The following VAV2 variants were observed in gnomAD, a reference collection of about 807,000 sequenced individuals.
The protein encoded by VAV2 is guanine nucleotide exchange factor VAV2.
Under a neutral mutation model 132.5 loss-of-function variants are expected in VAV2, and 67 were observed. The observed-to-expected ratio is 0.51, with a 90% CI of 0.42 to 0.62. VAV2 has a LOEUF of 0.62. Among genes scored for constraint, VAV2 ranks in the 20% least tolerant of loss-of-function variants. VAV2 has a pLI of 0.00. For synonymous variants in VAV2, 492 were observed against 443.5 expected (o/e 1.11, Z -1.37); for missense variants, 938 against 1,153.6 (o/e 0.81, Z 2.71).
At chr9:133,780,326 G>A (rs1245767275) in intron 20 of VAV2, among the ~76,000 whole-genome samples, 1 of 152,142 alleles carries the variant, frequency 6.6e-6, no homozygotes, top group African/African-American at 2.4e-5. Flanking sequence ...ATAGCTCGAG[G>A]GGCACACGAA....
At chr9:133,848,248 C>A (rs1038326361) in intron 3 of VAV2, among the ~76,000 whole-genome samples, 3 of 141,198 alleles carry the variant, frequency 2.1e-5, no homozygotes, top group African/African-American at 8.0e-5. Context: ...CCATTGCACT[C>A]CAGCCTGGGC....
At chr9:133,871,370 GTGGA>G (rs1270058042) in intron 2 of VAV2, among the ~76,000 whole-genome samples, 17 of 150,578 alleles carry the variant, frequency 1.1e-4, no homozygotes, top group East Asian at 2.0e-4. Flanking sequence ...AAATGGGTGG[GTGGA>G]TGGATGGATG....
intron 22 of VAV2, 72 bp from the exon 23 acceptor site, chr9:133,777,535 G>C: frequency 6.9e-7 from 1 of 1,451,438 alleles, no homozygotes; most frequent in South Asian, 1.2e-5. Flanking sequence ...CCATTTAGAC[G>C]GACTCAGCGT....
chr9:133,976,504 C>G (rs10993881), intron 1 of VAV2, among the ~76,000 whole-genome samples: 42 of 152,186 alleles, frequency 2.8e-4, no homozygotes, highest in Admixed American at 4.6e-4. Context: ...GTTGATGAAA[C>G]GAGGCCTTCA....
At chr9:133,870,438 G>T (rs1554795866) in intron 2 of VAV2, among the ~76,000 whole-genome samples, 1 of 152,168 alleles carries the variant, frequency 6.6e-6, no homozygotes, top group Non-Finnish European at 1.5e-5. Context: ...TAGAAGGAAA[G>T]AAAAAGGTGA....
At chr9:133,921,263 C>T (rs1588373053) in intron 2 of VAV2, among the ~76,000 whole-genome samples, 1 of 152,272 alleles carries the variant, frequency 6.6e-6, no homozygotes, top group East Asian at 1.9e-4. Context: ...CACCCCTGCA[C>T]CTGGCCATGG....
chr9:133,887,806 C>CA (rs1379671949), intron 2 of VAV2, among the ~76,000 whole-genome samples: 1 of 151,992 alleles, frequency 6.6e-6, no homozygotes, highest in Non-Finnish European at 1.5e-5. Flanking sequence ...CCCCGCCCCC[C>CA]ACCCAGGGGC....
intron 3 of VAV2, among the ~76,000 whole-genome samples, chr9:133,844,996 G>A (rs566418317): frequency 1.3e-5 from 2 of 152,234 alleles, no homozygotes; most frequent in East Asian, 1.9e-4. Flanking sequence ...TGGAAACACC[G>A]TTCCTTTTTT....
At chr9:133,854,458 A>C (rs114019531) in intron 3 of VAV2, among the ~76,000 whole-genome samples, 1,881 of 152,366 alleles carry the variant, frequency 0.012, 33 homozygotes, top group African/African-American at 0.042. Flanking sequence ...TGAGGCAGTG[A>C]CCATGCCAGG....
At chr9:133,862,061 C>A (rs1837615934) in intron 2 of VAV2, among the ~76,000 whole-genome samples, 4 of 152,254 alleles carry the variant, frequency 2.6e-5, no homozygotes, top group Admixed American at 2.6e-4. Flanking sequence ...GACGGGATCT[C>A]TCCTTGTCTC....
chr9:133,780,629 G>T (rs1470579061), intron 20 of VAV2, 65 bp downstream of exon 20: 4 of 1,186,668 alleles, frequency 3.4e-6, no homozygotes, highest in Admixed American at 4.3e-5. Context: ...GGTCTTTCTG[G>T]CTCTGCGCAC....
At chr9:133,800,340 C>G (rs1343010561) in intron 9 of VAV2, among the ~76,000 whole-genome samples, 3 of 152,224 alleles carry the variant, frequency 2.0e-5, no homozygotes, top group Admixed American at 6.5e-5. Context: ...TGGTGAACCT[C>G]AAGGCTTTCA....
At chr9:133,880,923 T>G (rs1399381239) in intron 2 of VAV2, among the ~76,000 whole-genome samples, 2 of 152,246 alleles carry the variant, frequency 1.3e-5, no homozygotes, top group Non-Finnish European at 2.9e-5. Context: ...GCAGGTGAAC[T>G]GCAAGGATCC....
intron 1 of VAV2, among the ~76,000 whole-genome samples, chr9:133,949,708 A>G (rs7859853): frequency 0.022 from 3,314 of 152,270 alleles, 114 homozygotes; most frequent in African/African-American, 0.076. Flanking sequence ...GCATGGATTC[A>G]AAATGTCTGC....
intron 2 of VAV2, among the ~76,000 whole-genome samples, chr9:133,876,419 T>G (rs1486984405): frequency 2.6e-5 from 4 of 152,094 alleles, no homozygotes; most frequent in Non-Finnish European, 5.9e-5. Flanking sequence ...ACTATTCCCC[T>G]AAGGAAGGCA....
At chr9:133,945,242 T>G (rs1841317299) in intron 1 of VAV2, among the ~76,000 whole-genome samples, 1 of 152,214 alleles carries the variant, frequency 6.6e-6, no homozygotes, top group Non-Finnish European at 1.5e-5. Flanking sequence ...ATTTTTTCTT[T>G]TTTAAAATGA....
chr9:133,915,744 ACACACACGATG>A (rs1212764339), intron 2 of VAV2, among the ~76,000 whole-genome samples: 52 of 150,454 alleles, frequency 3.5e-4, no homozygotes, highest in African/African-American at 1.3e-3. Flanking sequence ...ACGCACACAT[ACACACACGATG>A]CACACATACA....
chr9:133,821,735 G>C (rs192620352), intron 4 of VAV2, among the ~76,000 whole-genome samples: 457 of 152,316 alleles, frequency 3.0e-3, no homozygotes, highest in Non-Finnish European at 4.2e-3. Context: ...GTGGGTTTCA[G>C]GGATCATTCT....
rs1415494388 is a variant in VAV2, at chr9:133,884,048, T to C, written c.322-22616A>G. 1.3e-5 allele frequency among the ~76,000 whole-genome samples: 2 copies of C among 151,840 alleles called. No individual in the cohort carries two copies. ...TACTTGGGAGGCTGAGGCAGGGGAA[T>C]CACTTGAACCCGGGAGGCGGAGGTT... On this transcript the variant is annotated intron_variant, in intron 2 of 29. Transcript: ENST00000371850. This position sits in a 1 kb window ranked among gnomAD's most constrained non-coding sequence, Gnocchi z 5.3.
Sources: allele counts gnomAD v4.1 joint callset (sites outside exome capture counted in the v4.1 genomes callset), GRCh38; gene constraint gnomAD v4.1.1; non-coding constraint Gnocchi (gnomAD v3.1); transcripts MANE v1.5; gene names NCBI Gene and HGNC (gene_info 2026-07-23, HGNC 2026-07-21).